The following CDS1 variants were observed in gnomAD, a reference collection of about 807,000 sequenced individuals.
CDS1 encodes the protein phosphatidate cytidylyltransferase 1.
CDS1 carries 41 observed loss-of-function variants against 62.1 expected under a neutral mutation model. That is an observed-to-expected ratio of 0.66 (90% CI 0.51 to 0.86). CDS1 has a LOEUF of 0.86. Among genes scored for constraint, CDS1 ranks in the 40% least tolerant of loss-of-function variants. The pLI is 0.00. For missense variants in CDS1, 470 were observed against 550.1 expected (o/e 0.85, Z 1.46); for synonymous variants, 185 against 192.6 (o/e 0.96, Z 0.32).
At chr4:84,592,980 A>G (rs1000528239) in intron 1 of CDS1, among the ~76,000 whole-genome samples, 2 of 152,206 alleles carry the variant, frequency 1.3e-5, no homozygotes, top group African/African-American at 4.8e-5. Context: ...GTCAATGAAT[A>G]TTTATTAAGC....
intron 1 of CDS1, among the ~76,000 whole-genome samples, chr4:84,586,995 A>G (rs775951038): frequency 6.6e-6 from 1 of 152,188 alleles, no homozygotes; most frequent in East Asian, 1.9e-4. Flanking sequence ...GGTAGAGACT[A>G]TGGATTATTG....
At chr4:84,594,758 C>G (rs890305500) in intron 1 of CDS1, among the ~76,000 whole-genome samples, 1 of 152,144 alleles carries the variant, frequency 6.6e-6, no homozygotes, top group Non-Finnish European at 1.5e-5. Context: ...CATATATACA[C>G]AGTTGGCTCT....
In CDS1 at chr4:84,650,551, A is replaced by T. The variant is rs908336873; in HGVS notation, c.*1865A>T. The T allele has an allele frequency of 6.6e-6, 1 of 152,234 alleles. No individual in the cohort carries two copies. The highest frequency in any genetic ancestry group is 6.5e-5 in the Admixed American group (1 of 15,290). 9.4% of individuals were successfully genotyped at this position (152,234 alleles called of 1,614,324 possible). The stretch of plus-strand genomic sequence containing the variant: ...CATTAAAAACTCAGTAGTTTGCATG[A>T]GTAAGAACTCCTTGAGATACACAGA... On this transcript the variant is annotated 3_prime_UTR_variant, in exon 13 of 13. Coordinates refer to ENST00000295887, the MANE Select transcript of CDS1 (RefSeq NM_001263.4).
chr4:84,601,270 C>G (rs779553622), intron 1 of CDS1, among the ~76,000 whole-genome samples: 1 of 151,528 alleles, frequency 6.6e-6, no homozygotes, highest in Non-Finnish European at 1.5e-5. Flanking sequence ...AGGCAGATGT[C>G]AAGTGTTAAG....
intron 8 of CDS1, among the ~76,000 whole-genome samples, chr4:84,638,145 A>G (rs2148658578): frequency 6.6e-6 from 1 of 152,310 alleles, no homozygotes; most frequent in African/African-American, 2.4e-5. Context: ...CCCCTGAGCA[A>G]CAACTTTCAC....
At position 84,649,760 on chromosome 4, in the gene CDS1, C is replaced by T. The variant is rs776114166; in HGVS notation, c.*1074C>T. The T allele has an allele frequency of 8.5e-5, 13 of 152,182 alleles. No homozygotes were observed. The highest frequency in any genetic ancestry group is 2.0e-4 in the Admixed American group (3 of 15,260). The allele number at this position is 152,182 out of a possible 1,614,324, so 9.4% of individuals were successfully genotyped here. A position where few individuals can be genotyped will look rare whatever the true frequency, so the allele number is the denominator to read the frequency against. ...TTTGACCATAGGTCATCTTTGTCCC[C>T]TTGCTCCTTTGCATCATGTCATAAA... On this transcript the variant is annotated 3_prime_UTR_variant, in exon 13 of 13. Transcript: ENST00000295887.
rs187602801 is a variant in CDS1 at position 84,647,554 on chromosome 4, T to C, written c.1257-1003T>C. Among the ~76,000 whole-genome samples, 5 of 152,272 alleles carry C rather than the reference T, an allele frequency of 3.3e-5. No homozygotes were observed. The East Asian group carries it at 5.8e-4, about 18-fold the overall frequency. On this transcript the variant is annotated intron_variant, in intron 12 of 12. Transcript: ENST00000295887. Reference sequence around the variant, plus strand: ...CTAAAGCAGCCTTCCTTTTCTCTGTTGGTCTCTACTTGGGGTTTATGCTGT... The same window carrying C: ...CTAAAGCAGCCTTCCTTTTCTCTGTCGGTCTCTACTTGGGGTTTATGCTGT...
intron 1 of CDS1, among the ~76,000 whole-genome samples, chr4:84,602,486 A>G (rs2110045360): frequency 6.6e-6 from 1 of 152,306 alleles, no homozygotes; most frequent in South Asian, 2.1e-4. Flanking sequence ...AGTTTCCTTC[A>G]GATTAAGTGA....
intron 1 of CDS1, among the ~76,000 whole-genome samples, chr4:84,591,914 A>G (rs1027118661): frequency 2.0e-5 from 3 of 152,214 alleles, no homozygotes; most frequent in African/African-American, 7.2e-5. Context: ...GCAGCGGATT[A>G]GAAATTTTTA....
At chr4:84,606,536 C>T (rs1417249882) in intron 2 of CDS1, among the ~76,000 whole-genome samples, 1 of 152,124 alleles carries the variant, frequency 6.6e-6, no homozygotes, top group African/African-American at 2.4e-5. Flanking sequence ...TATTGCTGGG[C>T]ATTTAGTATA....
chr4:84,593,759 C>A (rs1722665645), intron 1 of CDS1, among the ~76,000 whole-genome samples: 1 of 152,178 alleles, frequency 6.6e-6, no homozygotes, highest in Admixed American at 6.5e-5. Context: ...CCACCTCGGC[C>A]TCCCAAAGTG....
At position 84,634,571 on chromosome 4, in the gene CDS1, C is replaced by G. The variant is rs1383044865; in HGVS notation, c.722+632C>G. Among the ~76,000 whole-genome samples, 4 of 152,018 alleles carry G rather than the reference C, an allele frequency of 2.6e-5. No homozygotes were observed. In the South Asian group the frequency reaches 8.3e-4, roughly 32 times the overall value. ...TCATTTAAAACTCATTAATTAAAAT[C>G]TTTTACAGTTGATGGGTTTTGTCAA... On this transcript the variant is annotated intron_variant, in intron 7 of 12. Coordinates refer to ENST00000295887, the MANE Select transcript of CDS1 (RefSeq NM_001263.4).
chr4:84,641,761 G>C (rs963793014), intron 10 of CDS1, among the ~76,000 whole-genome samples: 7 of 152,162 alleles, frequency 4.6e-5, no homozygotes, highest in Non-Finnish European at 7.4e-5. Flanking sequence ...ATCAGGTCTG[G>C]TGAGTGGCTG....
intron 1 of CDS1, among the ~76,000 whole-genome samples, chr4:84,592,101 C>G (rs935404211): frequency 3.4e-5 from 5 of 148,976 alleles, no homozygotes; most frequent in African/African-American, 1.2e-4. Context: ...AGAATGACAT[C>G]ACATTTTGAA....
intron 4 of CDS1, among the ~76,000 whole-genome samples, chr4:84,618,997 C>T (rs1003056932): frequency 1.3e-5 from 2 of 151,884 alleles, no homozygotes; most frequent in African/African-American, 4.8e-5. Context: ...ATCATACACA[C>T]ACACAAACAT....
At chr4:84,635,574 T>TCTGCCTGCCTGCCTGCCTGCCTGC (rs1214957051) in intron 8 of CDS1, among the ~76,000 whole-genome samples, 19 of 102,032 alleles carry the variant, frequency 1.9e-4, no homozygotes, top group Middle Eastern at 5.4e-3. Context: ...ACTCCATCAG[T>TCTGCCTGCCTGCCTGCCTGCCTGC]CTGCCTGCCT....
intron 1 of CDS1, among the ~76,000 whole-genome samples, chr4:84,584,355 G>A (rs562550281): frequency 1.3e-5 from 2 of 152,218 alleles, no homozygotes; most frequent in Non-Finnish European, 2.9e-5. Context: ...AATTGGACCA[G>A]AGAATAGATT....
chr4:84,611,954 T>C (rs1056628905), intron 3 of CDS1, among the ~76,000 whole-genome samples: 9 of 151,956 alleles, frequency 5.9e-5, no homozygotes, highest in Non-Finnish European at 1.2e-4. Context: ...CAGAGCACTT[T>C]TCAATGCTAG....
At chr4:84,612,172 T>A (rs1456536895) in intron 3 of CDS1, among the ~76,000 whole-genome samples, 1 of 151,688 alleles carries the variant, frequency 6.6e-6, no homozygotes, top group African/African-American at 2.4e-5. Context: ...AGGTGCTTTT[T>A]CCTTGAGCAC....
Sources: allele counts gnomAD v4.1 joint callset (sites outside exome capture counted in the v4.1 genomes callset), GRCh38; gene constraint gnomAD v4.1.1; transcripts MANE v1.5; gene names NCBI Gene and HGNC (gene_info 2026-07-23, HGNC 2026-07-21).